Variants in CTIF observed in about 807,000 individuals in gnomAD.
CTIF encodes cap binding complex dependent translation initiation factor, also known as CBP80/20-dependent translation initiation factor.
A neutral mutation model predicts 66.0 loss-of-function variants in CTIF; 21 were observed. That is an observed-to-expected ratio of 0.32 (90% CI 0.23 to 0.46). CTIF has a LOEUF of 0.46. Ranked by LOEUF, CTIF falls within the 20% of genes least tolerant of loss-of-function variation. The probability of loss-of-function intolerance (pLI) is 1.00; values close to 1 mark genes in which losing one functional copy is unlikely to be tolerated. For missense variants in CTIF, 739 were observed against 812.7 expected, an observed-to-expected ratio of 0.91 and a Z score of 1.10; for synonymous variants, 345 against 326.4, an observed-to-expected ratio of 1.06 and a Z score of -0.62.
intron 6 of CTIF, among the ~76,000 whole-genome samples, chr18:48,690,746 CT>C (rs1479085542): frequency 6.6e-6 from 1 of 152,028 alleles, no homozygotes; most frequent in African/African-American, 2.4e-5. Flanking sequence ...CCCGCTCCAC[CT>C]CTTCCAAGCT....
intron 1 of CTIF, among the ~76,000 whole-genome samples, chr18:48,545,229 A>G (rs2088718010): frequency 6.6e-6 from 1 of 152,240 alleles, no homozygotes; most frequent in African/African-American, 2.4e-5. Flanking sequence ...GACAGCGCTC[A>G]GAGTGGAGGA....
chr18:48,604,168 G>GTTTTTT (rs34544217), intron 1 of CTIF, among the ~76,000 whole-genome samples: 8 of 63,284 alleles, frequency 1.3e-4, no homozygotes, highest in Admixed American at 2.9e-4. Context: ...TTTTTTAAGG[G>GTTTTTT]TTTTTTTTTT....
At chr18:48,607,905 C>T (rs2144247311) in intron 1 of CTIF, among the ~76,000 whole-genome samples, 1 of 152,270 alleles carries the variant, frequency 6.6e-6, no homozygotes, top group Non-Finnish European at 1.5e-5. Context: ...TTTCTGCTTG[C>T]AATGACCTTG....
At chr18:48,733,286 G>C (rs1044403866) in intron 7 of CTIF, among the ~76,000 whole-genome samples, 1 of 152,156 alleles carries the variant, frequency 6.6e-6, no homozygotes, top group Non-Finnish European at 1.5e-5. Context: ...CAGAGTGGAA[G>C]TGAAGATCAA....
At chr18:48,571,903 G>A (rs1205922349) in intron 1 of CTIF, among the ~76,000 whole-genome samples, 1 of 152,194 alleles carries the variant, frequency 6.6e-6, no homozygotes, top group Non-Finnish European at 1.5e-5. Context: ...GCAAGTCTGA[G>A]ATCTGTAGGG....
At chr18:48,630,461 A>G (rs2090683065) in intron 2 of CTIF, among the ~76,000 whole-genome samples, 1 of 152,208 alleles carries the variant, frequency 6.6e-6, no homozygotes, top group African/African-American at 2.4e-5. Flanking sequence ...TGCAAGGCAG[A>G]TATCTAAGGT....
intron 6 of CTIF, among the ~76,000 whole-genome samples, chr18:48,697,966 C>A (rs2092030199): frequency 6.6e-6 from 1 of 151,470 alleles, no homozygotes. Context: ...GGATCTGATC[C>A]CCTGAGCCTG....
rs568569493 is a variant in CTIF at position 48,610,113 on chromosome 18, G to A, written c.-28-9425G>A. ...CATTCTGGGCCTGCAATGGAAGCAG[G>A]TGTAGGATGGAGCAGGGCCCTCAAG... is the stretch of plus-strand genomic sequence containing the variant. On this transcript the variant is annotated intron_variant, in intron 1 of 11. Coordinates refer to ENST00000256413, the MANE Select transcript of CTIF (RefSeq NM_014772.3). Among the ~76,000 whole-genome samples, 142 of 152,296 alleles carry A rather than the reference G, an allele frequency of 9.3e-4. 1 individual carries two copies. Among genetic ancestry groups the A allele is most frequent in the African/African-American group, 3.2e-3 (132 of 41,558 alleles).
chr18:48,580,310 A>G (rs907971757), intron 1 of CTIF, among the ~76,000 whole-genome samples: 2 of 152,234 alleles, frequency 1.3e-5, no homozygotes, highest in East Asian at 1.9e-4. Context: ...CACATCTCCA[A>G]TCAGCAAACA....
intron 7 of CTIF, among the ~76,000 whole-genome samples, chr18:48,719,339 C>T (rs547506249): frequency 6.6e-6 from 1 of 152,228 alleles, no homozygotes; most frequent in African/African-American, 2.4e-5. Context: ...TTTAGCACCT[C>T]AGAACACTCT....
At chr18:48,616,553 C>G (rs1382648002) in intron 1 of CTIF, among the ~76,000 whole-genome samples, 2 of 152,158 alleles carry the variant, frequency 1.3e-5, no homozygotes, top group Non-Finnish European at 2.9e-5. Flanking sequence ...CCTGTGTGAA[C>G]TTGGGCAAGT....
At chr18:48,779,185 C>T (rs1253165179) in intron 9 of CTIF, among the ~76,000 whole-genome samples, 1 of 152,126 alleles carries the variant, frequency 6.6e-6, no homozygotes. Context: ...GTCAGGGGTC[C>T]AACAGGAACA....
intron 2 of CTIF, among the ~76,000 whole-genome samples, chr18:48,635,330 T>TC (rs1295533281): frequency 4.3e-5 from 6 of 141,170 alleles, no homozygotes; most frequent in African/African-American, 1.8e-4. Context: ...TTTCTTTCTT[T>TC]TTTTTTTTTT....
At chr18:48,849,760 A>G (rs989642292) in intron 10 of CTIF, among the ~76,000 whole-genome samples, 2 of 151,350 alleles carry the variant, frequency 1.3e-5, no homozygotes, top group Non-Finnish European at 2.9e-5. Context: ...TAATTTTTGT[A>G]TTTTTAATAG....
chr18:48,712,725 C>T (rs1456770448), intron 7 of CTIF, among the ~76,000 whole-genome samples: 1 of 152,198 alleles, frequency 6.6e-6, no homozygotes, highest in Non-Finnish European at 1.5e-5. Flanking sequence ...CGCCTGTGCT[C>T]AGGCTGGCTG....
intron 9 of CTIF, among the ~76,000 whole-genome samples, chr18:48,803,488 C>T (rs148339336): frequency 1.3e-5 from 2 of 152,324 alleles, no homozygotes; most frequent in East Asian, 1.9e-4. Flanking sequence ...CCCAGTACAT[C>T]GGGAATTTGA....
intron 3 of CTIF, among the ~76,000 whole-genome samples, chr18:48,649,607 C>T (rs951258716): frequency 1.2e-4 from 19 of 152,172 alleles, no homozygotes; most frequent in African/African-American, 4.6e-4. Flanking sequence ...AGTGGTTCTC[C>T]CAGCATGGTG....
intron 1 of CTIF, among the ~76,000 whole-genome samples, chr18:48,594,797 C>A (rs963294327): frequency 6.6e-6 from 1 of 152,214 alleles, no homozygotes; most frequent in East Asian, 1.9e-4. Flanking sequence ...ATCCAAGGAA[C>A]GAGAACTGCC....
intron 6 of CTIF, among the ~76,000 whole-genome samples, chr18:48,691,523 G>A (rs1185435154): frequency 6.9e-6 from 1 of 144,206 alleles, no homozygotes; most frequent in East Asian, 1.9e-4. Context: ...CCAATGCTCA[G>A]TGACTCTTTG....
Sources: gnomAD v4.1 joint callset for allele counts (sites outside exome capture counted in the v4.1 genomes callset) on GRCh38, gnomAD v4.1.1 for gene constraint, MANE v1.5 for transcripts, NCBI Gene and HGNC (gene_info 2026-07-23, HGNC 2026-07-21) for gene names.